EPHA6: variants seen among roughly 807,000 people sequenced by gnomAD.
The protein encoded by EPHA6 is ephrin type-A receptor 6.
EPHA6 carries 50 observed loss-of-function variants against 112.0 expected under a neutral mutation model. The observed-to-expected ratio is 0.45, with a 90% CI of 0.36 to 0.56. The LOEUF is 0.56. Ranked by LOEUF, EPHA6 falls within the 20% of genes least tolerant of loss-of-function variation. EPHA6 has a pLI of 0.00. For missense variants in EPHA6, 1,280 were observed against 1,417.4 expected (o/e 0.90, Z 1.56); for synonymous variants, 529 against 490.7 (o/e 1.08, Z -1.03).
chr3:97,663,565 A>G (rs964527816), intron 14 of EPHA6, among the ~76,000 whole-genome samples: 1 of 139,778 alleles, frequency 7.2e-6, no homozygotes, highest in Non-Finnish European at 1.5e-5. Context: ...ATTCCTGCCT[A>G]TGAGTAAGAA....
intron 3 of EPHA6, among the ~76,000 whole-genome samples, chr3:97,057,684 A>T (rs1396776197): frequency 3.3e-5 from 5 of 152,214 alleles, no homozygotes; most frequent in African/African-American, 1.2e-4. Flanking sequence ...ATTATTTTTG[A>T]TAGAAAGGAT....
chr3:97,671,845 A>AT (rs1473833703), intron 14 of EPHA6, among the ~76,000 whole-genome samples: 1 of 152,076 alleles, frequency 6.6e-6, no homozygotes. Flanking sequence ...GAAAAAAAAA[A>AT]GCAGAAATAG....
intron 14 of EPHA6, among the ~76,000 whole-genome samples, chr3:97,716,034 T>C (rs902647876): frequency 1.3e-5 from 2 of 152,212 alleles, no homozygotes; most frequent in Non-Finnish European, 2.9e-5. Context: ...CTTTGGTAAT[T>C]TTTTTCTCTC....
At chr3:96,827,838 T>C (rs1226619008) in intron 1 of EPHA6, among the ~76,000 whole-genome samples, 1 of 152,140 alleles carries the variant, frequency 6.6e-6, no homozygotes, top group African/African-American at 2.4e-5. Flanking sequence ...ATGAATTAAA[T>C]GGATAGACTT....
intron 3 of EPHA6, among the ~76,000 whole-genome samples, chr3:96,993,164 C>A (rs1189883128): frequency 6.6e-6 from 1 of 152,116 alleles, no homozygotes. Flanking sequence ...TTTTATGAAT[C>A]AGGACACTAA....
chr3:97,177,592 T>A (rs2076871350), intron 3 of EPHA6, among the ~76,000 whole-genome samples: 1 of 151,980 alleles, frequency 6.6e-6, no homozygotes, highest in African/African-American at 2.4e-5. Flanking sequence ...AATTATGATA[T>A]CTTTTTGCTG....
chr3:97,318,666 C>T (rs1365316479), intron 5 of EPHA6, among the ~76,000 whole-genome samples: 2 of 152,006 alleles, frequency 1.3e-5, no homozygotes, highest in Non-Finnish European at 2.9e-5. Context: ...GGATTTCTCA[C>T]ATCCTCCTTA....
chr3:96,979,161 A>G (rs1232656007), intron 2 of EPHA6, among the ~76,000 whole-genome samples: 1 of 151,468 alleles, frequency 6.6e-6, no homozygotes, highest in African/African-American at 2.4e-5. Flanking sequence ...TGCACCCATT[A>G]ACTCATCATT....
intron 5 of EPHA6, among the ~76,000 whole-genome samples, chr3:97,308,764 A>G (rs1323262861): frequency 4.6e-5 from 7 of 151,760 alleles, no homozygotes; most frequent in Non-Finnish European, 1.0e-4. Context: ...TTAGTAAGTT[A>G]TAGATAGCAA....
At chr3:96,949,500 A>AT (rs2041434887) in intron 2 of EPHA6, among the ~76,000 whole-genome samples, 1 of 152,088 alleles carries the variant, frequency 6.6e-6, no homozygotes, top group Non-Finnish European at 1.5e-5. Flanking sequence ...ATAAAGTGAG[A>AT]TTTTTATAAA....
chr3:97,429,413 A>C (rs963031646), intron 6 of EPHA6, among the ~76,000 whole-genome samples: 1 of 152,036 alleles, frequency 6.6e-6, no homozygotes, highest in African/African-American at 2.4e-5. Flanking sequence ...TACCATTCCT[A>C]TGTATGGTGT....
chr3:97,114,268 CT>C (rs149776170), intron 3 of EPHA6, among the ~76,000 whole-genome samples: 4,078 of 152,136 alleles, frequency 0.027, 175 homozygotes, highest in African/African-American at 0.09. Flanking sequence ...AAAAATACAA[CT>C]GAACATTTTT....
At chr3:97,251,067 CAT>C (rs2108596854) in intron 5 of EPHA6, among the ~76,000 whole-genome samples, 1 of 151,876 alleles carries the variant, frequency 6.6e-6, no homozygotes, top group Non-Finnish European at 1.5e-5. Flanking sequence ...AGGGTTTCAC[CAT>C]GTTGGCCAGG....
At chr3:97,168,639 G>A (rs865907375) in intron 3 of EPHA6, among the ~76,000 whole-genome samples, 10 of 133,618 alleles carry the variant, frequency 7.5e-5, no homozygotes, top group Admixed American at 1.6e-4. Flanking sequence ...CTCTCCTGCC[G>A]GCCATGTGAA....
chr3:97,269,361 A>C (rs2079805582), intron 5 of EPHA6, among the ~76,000 whole-genome samples: 1 of 152,048 alleles, frequency 6.6e-6, no homozygotes, highest in South Asian at 2.1e-4. Flanking sequence ...CCCTGGATCA[A>C]AGTGTCCCTC....
chr3:96,911,665 C>G (rs539667534), intron 2 of EPHA6, among the ~76,000 whole-genome samples: 1 of 151,764 alleles, frequency 6.6e-6, no homozygotes, highest in South Asian at 2.1e-4. Flanking sequence ...TTATAACTTT[C>G]GATATGTTTT....
intron 10 of EPHA6, among the ~76,000 whole-genome samples, chr3:97,523,037 A>G (rs2107623761): frequency 6.6e-6 from 1 of 151,900 alleles, no homozygotes; most frequent in Non-Finnish European, 1.5e-5. Context: ...ATTTACTTCT[A>G]TTCTGATCTG....
chr3:97,510,318 T>A (rs1471223178), intron 10 of EPHA6, among the ~76,000 whole-genome samples: 1 of 152,252 alleles, frequency 6.6e-6, no homozygotes, highest in Non-Finnish European at 1.5e-5. Flanking sequence ...TTCCTCATCA[T>A]GGATTTATCT....
At chr3:97,742,985 G>A (rs551050214) in intron 16 of EPHA6, among the ~76,000 whole-genome samples, 2 of 152,114 alleles carry the variant, frequency 1.3e-5, no homozygotes, top group Non-Finnish European at 2.9e-5. Context: ...TCAATGTGCT[G>A]TTGTTGCTCT....
Sources: gnomAD v4.1 joint callset for allele counts (sites outside exome capture counted in the v4.1 genomes callset) on GRCh38, gnomAD v4.1.1 for gene constraint, MANE v1.5 for transcripts, NCBI Gene and HGNC (gene_info 2026-07-23, HGNC 2026-07-21) for gene names.